The following NRG1 variants were observed in gnomAD, a reference collection of about 807,000 sequenced individuals.
NRG1 encodes pro-neuregulin-1, membrane-bound isoform.
In NRG1, 18 loss-of-function variants were observed where a neutral mutation model predicts 63.8. The ratio of observed to expected loss-of-function variants is 0.28; its 90% confidence interval spans 0.19 to 0.42. The LOEUF (loss-of-function observed/expected upper bound fraction) is 0.42. Ranked by LOEUF, NRG1 falls within the 10% of genes least tolerant of loss-of-function variation. The pLI is 1.00. For synonymous variants in NRG1, 302 were observed against 301.3 expected, an observed-to-expected ratio of 1.00 and a Z score of -0.02; for missense variants, 762 against 814.7, an observed-to-expected ratio of 0.94 and a Z score of 0.79.
chr8:32,758,894 C>G (rs961961681), intron 9 of NRG1, among the ~76,000 whole-genome samples: 3 of 152,060 alleles, frequency 2.0e-5, no homozygotes, highest in African/African-American at 7.2e-5. Flanking sequence ...TACAAATCAC[C>G]TGTCTGCTTC....
chr8:32,425,675 T>C (rs1209972845), intron 1 of NRG1, among the ~76,000 whole-genome samples: 1 of 152,176 alleles, frequency 6.6e-6, no homozygotes, highest in Non-Finnish European at 1.5e-5. Flanking sequence ...TCTAACCCTT[T>C]GCAGGAAAAA....
At chr8:31,952,773 A>C (rs945843327) in intron 1 of NRG1, among the ~76,000 whole-genome samples, 1 of 152,208 alleles carries the variant, frequency 6.6e-6, no homozygotes, top group African/African-American at 2.4e-5. Flanking sequence ...GCAAAATGTC[A>C]TGGTAGCTTT....
At chr8:31,800,925 C>T (rs1821718434) in intron 1 of NRG1, among the ~76,000 whole-genome samples, 1 of 145,680 alleles carries the variant, frequency 6.9e-6, no homozygotes, top group Admixed American at 7.1e-5. Flanking sequence ...ACTGCAAGCT[C>T]CACCTTCCAG....
intron 1 of NRG1, among the ~76,000 whole-genome samples, chr8:31,860,685 G>T (rs112249354): frequency 1.1e-3 from 166 of 152,238 alleles, no homozygotes; most frequent in Middle Eastern, 6.8e-3. Context: ...ATTATTTGGC[G>T]TGTTTGAATA....
chr8:32,471,727 T>A (rs1372585433), intron 1 of NRG1, among the ~76,000 whole-genome samples: 2 of 152,056 alleles, frequency 1.3e-5, no homozygotes, highest in African/African-American at 4.8e-5. Context: ...AAGAAAAAAA[T>A]GTACTTGTTC....
chr8:32,069,402 A>G (rs1825403364), intron 1 of NRG1, among the ~76,000 whole-genome samples: 1 of 152,222 alleles, frequency 6.6e-6, no homozygotes, highest in African/African-American at 2.4e-5. Flanking sequence ...CTTGAGACAC[A>G]GTCTTATGTT....
chr8:32,415,279 G>T (rs62500168), intron 1 of NRG1, among the ~76,000 whole-genome samples: 1 of 150,776 alleles, frequency 6.6e-6, no homozygotes, highest in Non-Finnish European at 1.5e-5. Context: ...GTGGTGGCAC[G>T]TGCCTGTAGT....
chr8:32,503,138 T>TA (rs1273498723), intron 1 of NRG1, among the ~76,000 whole-genome samples: 1 of 150,520 alleles, frequency 6.6e-6, no homozygotes, highest in African/African-American at 2.4e-5. Flanking sequence ...ACAAAAAAAA[T>TA]TAGCTGGGCA....
chr8:31,735,009 C>G (rs1460129802), intron 1 of NRG1, among the ~76,000 whole-genome samples: 2 of 152,086 alleles, frequency 1.3e-5, no homozygotes, highest in Non-Finnish European at 2.9e-5. Context: ...GACACCTGGA[C>G]ACAGGCTAAA....
intron 1 of NRG1, among the ~76,000 whole-genome samples, chr8:32,254,137 C>A (rs949796753): frequency 1.3e-5 from 2 of 152,064 alleles, no homozygotes; most frequent in Non-Finnish European, 2.9e-5. Context: ...TTTCAAAAAA[C>A]CAGCTCTTGG....
intron 1 of NRG1, among the ~76,000 whole-genome samples, chr8:32,366,422 C>T (rs1807992540): frequency 6.6e-6 from 1 of 151,810 alleles, no homozygotes; most frequent in Admixed American, 6.6e-5. Flanking sequence ...TTTTTAGCTC[C>T]CATATATGAG....
intron 1 of NRG1, among the ~76,000 whole-genome samples, chr8:31,908,852 T>C (rs1252079667): frequency 2.0e-5 from 3 of 152,194 alleles, no homozygotes; most frequent in Admixed American, 2.0e-4. Flanking sequence ...CCAGAATAGA[T>C]GAGAAATGGA....
intron 1 of NRG1, among the ~76,000 whole-genome samples, chr8:31,842,181 C>T (rs1826259092): frequency 6.6e-6 from 1 of 152,344 alleles, no homozygotes; most frequent in Non-Finnish European, 1.5e-5. Flanking sequence ...AATTGTTGGA[C>T]AATTGCTCTT....
At chr8:32,302,177 C>G (rs550721816) in intron 1 of NRG1, among the ~76,000 whole-genome samples, 1 of 152,110 alleles carries the variant, frequency 6.6e-6, no homozygotes, top group Non-Finnish European at 1.5e-5. Context: ...CTTGGGGGTG[C>G]AGGAATTCCC....
At chr8:32,328,611 T>C in intron 1 of NRG1, among the ~76,000 whole-genome samples, 1 of 152,230 alleles carries the variant, frequency 6.6e-6, no homozygotes, top group East Asian at 1.9e-4. Context: ...ACAGCAAAAG[T>C]AAGGCCATCA....
chr8:31,652,350 A>T (rs927562103), intron 1 of NRG1, among the ~76,000 whole-genome samples: 1 of 152,162 alleles, frequency 6.6e-6, no homozygotes, highest in Non-Finnish European at 1.5e-5. Flanking sequence ...TCCTTCTCAC[A>T]TCCATTTTCT....
intron 1 of NRG1, among the ~76,000 whole-genome samples, chr8:32,374,669 C>T (rs919533595): frequency 6.6e-6 from 1 of 152,200 alleles, no homozygotes; most frequent in Non-Finnish European, 1.5e-5. Flanking sequence ...TATATTTCCT[C>T]TGATTTCATT....
intron 1 of NRG1, among the ~76,000 whole-genome samples, chr8:32,418,307 T>C (rs1215098165): frequency 1.3e-5 from 2 of 151,918 alleles, no homozygotes; most frequent in Non-Finnish European, 2.9e-5. Context: ...TAAAGAGAAA[T>C]AAGTGAAGTT....
chr8:31,900,369 C>T (rs994010481), intron 1 of NRG1, among the ~76,000 whole-genome samples: 19 of 152,120 alleles, frequency 1.2e-4, no homozygotes, highest in African/African-American at 4.6e-4. Context: ...CAGGAAGTCA[C>T]TCAAGAGAAT....
Sources: allele counts gnomAD v4.1 joint callset (sites outside exome capture counted in the v4.1 genomes callset), GRCh38; gene constraint gnomAD v4.1.1; transcripts MANE v1.5; gene names NCBI Gene and HGNC (gene_info 2026-07-23, HGNC 2026-07-21).